SMG1: variants seen among roughly 807,000 people sequenced by gnomAD.
SMG1 encodes serine/threonine-protein kinase SMG1.
In SMG1, 22 loss-of-function variants were observed where a neutral mutation model predicts 419.9. The ratio of observed to expected loss-of-function variants is 0.05; its 90% confidence interval spans 0.04 to 0.07. The LOEUF (loss-of-function observed/expected upper bound fraction) is 0.07, where lower values mean the gene tolerates loss of function less well. SMG1 is among the 10% of genes least tolerant of loss of function. The pLI is 1.00. For synonymous variants in SMG1, 1,538 were observed against 1,553.5 expected, an observed-to-expected ratio of 0.99 and a Z score of 0.23; for missense variants, 3,185 against 4,342.0, an observed-to-expected ratio of 0.73 and a Z score of 7.49.
rs757698434 is a variant in SMG1 at position 18,876,195 on chromosome 16, C to T, written c.1819G>A (p.Ala607Thr). The change falls in exon 13 of 63, where the codon GCA becomes ACA. Residue 607 changes from alanine (A) to threonine (T), a missense_variant. Ala to Thr is a moderately conservative substitution (Grantham distance 58). Coordinates refer to ENST00000446231, the MANE Select transcript of SMG1 (RefSeq NM_015092.5). ...AGGTCAAATATAACTACAAATTTTG[C>T]ATTGTCTACATTGAACACATGATTC... ...FKNHVFNVDN[A>T]KFVVIFDLSA... The T allele has an allele frequency of 6.2e-7, 1 of 1,611,742 alleles. No individual in the cohort carries two copies. Among genetic ancestry groups the T allele is most frequent in the Non-Finnish European group, 8.5e-7 (1 of 1,179,670 alleles).
chr16:18,923,472 C>G (rs1335387906), intron 1 of SMG1, among the ~76,000 whole-genome samples: 9 of 151,976 alleles, frequency 5.9e-5, no homozygotes, highest in Admixed American at 5.9e-4. Flanking sequence ...GGTGGAATCC[C>G]GTCTCTACTA....
chr16:18,893,638 A>AC (rs1256743500), intron 3 of SMG1, among the ~76,000 whole-genome samples: 4 of 151,934 alleles, frequency 2.6e-5, no homozygotes, highest in African/African-American at 9.7e-5. Context: ...ACAAAAAAAA[A>AC]CCTCAATTTT....
chr16:18,878,733 T>C (rs2036256338), intron 11 of SMG1: 1 of 151,578 alleles, frequency 6.6e-6, no homozygotes, highest in Non-Finnish European at 1.5e-5. Context: ...AGAGGCCTGG[T>C]AGAGTGGCTC....
At chr16:18,900,214 A>G in intron 1 of SMG1, 1 of 473,376 alleles carries the variant, frequency 2.1e-6, no homozygotes, top group Non-Finnish European at 3.8e-6. Flanking sequence ...TGTGCCTTAC[A>G]GGATAAAGAG....
At chr16:18,818,100 T>C (rs1356450432) in intron 56 of SMG1, among the ~76,000 whole-genome samples, 1 of 151,014 alleles carries the variant, frequency 6.6e-6, no homozygotes, top group African/African-American at 2.4e-5. Flanking sequence ...AAAAATTTAT[T>C]GGCCAGGTGT....
chr16:18,914,670 AAAAT>A, intron 1 of SMG1, among the ~76,000 whole-genome samples: 1 of 152,128 alleles, frequency 6.6e-6, no homozygotes, highest in South Asian at 2.1e-4. Context: ...GATGACAAAT[AAAAT>A]AAAATAAAGA....
At chr16:18,850,525 G>T in intron 33 of SMG1, 58 bp from the exon 34 acceptor site, 1 of 1,223,700 alleles carries the variant, frequency 8.2e-7, no homozygotes. Context: ...AGGGAAAAAG[G>T]TATGTAATTT....
chr16:18,834,326 C>A lies in SMG1; in HGVS notation c.8443G>T (p.Val2815Phe). Residue 2815 changes from valine to phenylalanine, a missense_variant, in exon 50 of 63, where the codon GTC becomes TTC. Val to Phe is a conservative substitution (Grantham distance 50, BLOSUM62 -1). Around this residue, in one of 27 missense-constraint regions of SMG1, gnomAD observed 412 missense variants for 546.6 expected, o/e 0.75. Coordinates refer to ENST00000446231, the MANE Select transcript of SMG1 (RefSeq NM_015092.5). ...TTCAGTAACTGAACCAAGCAGGTGA[C>A]GTTTCCGCTCATACTGCAGAGTTCC... The part of the protein sequence containing the change: ...LEELCSMSGN[V>F]TCLVQLLKQC... 6.2e-7 allele frequency: 1 copy of A among 1,613,474 alleles called. No homozygotes were observed. Among genetic ancestry groups the A allele is most frequent in the Non-Finnish European group, 8.5e-7 (1 of 1,179,712 alleles).
chr16:18,832,642 C>A (rs2033277403), intron 51 of SMG1, among the ~76,000 whole-genome samples: 2 of 151,484 alleles, frequency 1.3e-5, no homozygotes, highest in Non-Finnish European at 2.9e-5. Flanking sequence ...CTAGTGAAAT[C>A]TGAGTAAGCG....
intron 1 of SMG1, chr16:18,911,214 TAGA>T (rs562782485): frequency 1.1e-3 from 163 of 152,208 alleles, no homozygotes; most frequent in African/African-American, 3.8e-3. Context: ...CTAGAAAATG[TAGA>T]AGGAGGGCAG....
rs2034577086 is a variant in SMG1 at position 18,851,319 on chromosome 16, AGT to A, written c.5052+746_5052+747del. 2.6e-5 allele frequency among the ~76,000 whole-genome samples: 4 copies of A among 152,350 alleles called. No homozygotes were observed. The South Asian group carries it at 8.3e-4, about 32-fold the overall frequency. On this transcript the variant is annotated intron_variant, in intron 33 of 62. Transcript: ENST00000446231. ...AATTGACGGAACTCTGAAGGGAGAGAGTGTGAATTATACAGATCATCTAGTCC... is the reference window on the plus strand; with the variant it reads ...AATTGACGGAACTCTGAAGGGAGAGAGTGAATTATACAGATCATCTAGTCC...
chr16:18,880,594 A>G (rs1232684660), intron 10 of SMG1, among the ~76,000 whole-genome samples: 1 of 151,896 alleles, frequency 6.6e-6, no homozygotes, highest in African/African-American at 2.4e-5. Context: ...TCGCACCAGT[A>G]GTCCCAACTA....
chr16:18,875,946 A>G (rs1432534493), intron 13 of SMG1, 178 bp downstream of exon 13: 6 of 650,062 alleles, frequency 9.2e-6, no homozygotes, highest in Non-Finnish European at 1.3e-5. Flanking sequence ...GAAAAGTTAA[A>G]TATAATGCCA....
chr16:18,895,214 T>A (rs2037068651), intron 3 of SMG1, among the ~76,000 whole-genome samples: 2 of 152,114 alleles, frequency 1.3e-5, no homozygotes, highest in Admixed American at 1.3e-4. Flanking sequence ...GTGCCCACTC[T>A]AGGCAGGGCC....
rs1262054447 is a variant in SMG1 at position 18,836,122 on chromosome 16, A to G, written c.7868T>C (p.Val2623Ala). ...GCGCCTCTGCTGCAGGAGAGCACCA[A>G]CCTCCCCCTCCAGCTGCTCGCACTG... The part of the protein sequence containing the change: ...ISQCEQLEGE[V>A]GALLQQRRSV... The change falls in exon 48 of 63, where the codon GTT becomes GCT. Residue 2623 changes from valine (V) to alanine (A), a missense_variant. Physicochemically the swap from Val to Ala is moderately conservative, Grantham distance 64 (BLOSUM62 0). Transcript: ENST00000446231. 1.9e-6 allele frequency: 3 copies of G among 1,609,416 alleles called. No individual in the cohort carries two copies. In the South Asian group the frequency reaches 3.3e-5, roughly 18 times the overall value.
chr16:18,901,651 A>G (rs957948535), intron 1 of SMG1, among the ~76,000 whole-genome samples: 1 of 152,092 alleles, frequency 6.6e-6, no homozygotes, highest in Non-Finnish European at 1.5e-5. Context: ...CTGGAAGGTA[A>G]TCTCTAAACT....
At chr16:18,894,405 T>C (rs2037023383) in intron 3 of SMG1, among the ~76,000 whole-genome samples, 1 of 152,104 alleles carries the variant, frequency 6.6e-6, no homozygotes, top group South Asian at 2.1e-4. Context: ...GAAATTAGGC[T>C]CTACTTACAA....
chr16:18,816,460 C>A lies in SMG1; in HGVS notation c.10144G>T (p.Asp3382Tyr), dbSNP rs746666503. 5.0e-6 allele frequency: 8 copies of A among 1,613,920 alleles called. 1 individual carries two copies. The South Asian group carries it at 8.8e-5, about 18-fold the overall frequency. The change falls in exon 58 of 63, where the codon GAT becomes TAT. Residue 3382 changes from aspartate (D) to tyrosine (Y), a missense_variant. Physicochemically the swap from Asp to Tyr is radical, Grantham distance 160. Coordinates refer to ENST00000446231, the MANE Select transcript of SMG1 (RefSeq NM_015092.5). ...TGAATTGCCCTCTGAGTAGACATAT[C>A]CTGGGTCAACTGTTTGTGTGCTGAC... ...LLSAHKQLTQ[D>Y]MSTQRAIQTE... is the part of the protein sequence containing the mutation.
intron 9 of SMG1, among the ~76,000 whole-genome samples, chr16:18,882,964 TGA>T (rs2036464242): frequency 6.6e-6 from 1 of 152,064 alleles, no homozygotes; most frequent in Non-Finnish European, 1.5e-5. Context: ...GTGTGGCTTA[TGA>T]GAGGTAAATC....
Sources: allele counts gnomAD v4.1 joint callset (sites outside exome capture counted in the v4.1 genomes callset), GRCh38; gene constraint gnomAD v4.1.1; regional missense constraint gnomAD v4.1.1; transcripts MANE v1.5; gene names NCBI Gene and HGNC (gene_info 2026-07-23, HGNC 2026-07-21).